The following LRRTM3 variants were observed in gnomAD, a reference collection of about 807,000 sequenced individuals.
LRRTM3 encodes leucine-rich repeat transmembrane neuronal protein 3.
Under a neutral mutation model 44.7 loss-of-function variants are expected in LRRTM3, and 24 were observed. The ratio of observed to expected loss-of-function variants is 0.54; its 90% CI spans 0.39 to 0.76. The LOEUF (loss-of-function observed/expected upper bound fraction) is 0.76, where lower values mean the gene tolerates loss of function less well. Ranked by LOEUF, LRRTM3 falls within the 30% of genes least tolerant of loss-of-function variation. LRRTM3 has a pLI of 0.00. For synonymous variants in LRRTM3, 277 were observed against 278.7 expected, an observed-to-expected ratio of 0.99 and a Z score of 0.06; for missense variants, 587 against 702.2, an observed-to-expected ratio of 0.84 and a Z score of 1.85.
intron 2 of LRRTM3, among the ~76,000 whole-genome samples, chr10:66,945,252 T>C (rs1435707374): frequency 6.6e-6 from 1 of 152,230 alleles, no homozygotes; most frequent in Non-Finnish European, 1.5e-5. Flanking sequence ...TCAATTATCT[T>C]AGCTAGATCT....
chr10:67,038,315 C>T (rs1168447677), intron 2 of LRRTM3, among the ~76,000 whole-genome samples: 3 of 152,032 alleles, frequency 2.0e-5, no homozygotes, highest in South Asian at 4.1e-4. Flanking sequence ...AATGTAGTCA[C>T]TTCAATGTGC....
chr10:67,025,640 A>T (rs188121770), intron 2 of LRRTM3, among the ~76,000 whole-genome samples: 105 of 152,282 alleles, frequency 6.9e-4, no homozygotes, highest in African/African-American at 2.5e-3. Context: ...TCTATATAGC[A>T]AGTTGAAATC....
intron 2 of LRRTM3, among the ~76,000 whole-genome samples, chr10:67,018,126 C>T (rs569794213): frequency 6.6e-6 from 1 of 152,234 alleles, no homozygotes; most frequent in East Asian, 1.9e-4. Context: ...TGTTAATTCA[C>T]TTTTCAAGTG....
In LRRTM3 at chr10:67,057,181, T is replaced by C. The variant is rs540625810; in HGVS notation, c.1537-40406T>C. ...ATTGACAAATAGAAAGAGTTTATATTCAAGGCATACAATGTGATGTTTTGA... is the reference window on the plus strand; with the variant it reads ...ATTGACAAATAGAAAGAGTTTATATCCAAGGCATACAATGTGATGTTTTGA... On this transcript the variant is annotated intron_variant, in intron 2 of 2. Coordinates refer to ENST00000361320, the MANE Select transcript of LRRTM3 (RefSeq NM_178011.5). 3.3e-5 allele frequency among the ~76,000 whole-genome samples: 5 copies of C among 152,286 alleles called. No homozygotes were observed. In the South Asian group the frequency reaches 6.2e-4, roughly 19 times the overall value.
At chr10:67,025,529 G>A (rs1853316885) in intron 2 of LRRTM3, among the ~76,000 whole-genome samples, 1 of 152,080 alleles carries the variant, frequency 6.6e-6, no homozygotes, top group Non-Finnish European at 1.5e-5. Context: ...TTTATTAAAA[G>A]GGTGAAAATG....
At chr10:67,079,244 T>C (rs1312620223) in intron 2 of LRRTM3, among the ~76,000 whole-genome samples, 5 of 152,204 alleles carry the variant, frequency 3.3e-5, no homozygotes, top group Admixed American at 6.5e-5. Context: ...CTCTGTGTTA[T>C]AGAACAAGGG....
intron 2 of LRRTM3, among the ~76,000 whole-genome samples, chr10:67,036,142 ATTTAT>A (rs992284000): frequency 2.6e-5 from 4 of 151,866 alleles, no homozygotes; most frequent in Non-Finnish European, 4.4e-5. Flanking sequence ...TAATTTGGGG[ATTTAT>A]TTTATTTTAT....
intron 2 of LRRTM3, among the ~76,000 whole-genome samples, chr10:67,049,922 T>A (rs1295646881): frequency 6.6e-6 from 1 of 152,216 alleles, no homozygotes; most frequent in South Asian, 2.1e-4. Context: ...GTGTTTCACA[T>A]TTAGAAATCC....
intron 2 of LRRTM3, among the ~76,000 whole-genome samples, chr10:67,083,182 C>A (rs1379250352): frequency 2.0e-5 from 3 of 151,934 alleles, no homozygotes; most frequent in Non-Finnish European, 4.4e-5. Context: ...AAAAAAAAAA[C>A]TTCCTTTATT....
At chr10:66,974,485 G>A (rs189932389) in intron 2 of LRRTM3, among the ~76,000 whole-genome samples, 11 of 152,144 alleles carry the variant, frequency 7.2e-5, no homozygotes, top group East Asian at 5.8e-4. Context: ...CAAGTCATTC[G>A]CCAGCATATG....
Position 66,986,410 on chromosome 10 carries a change from T to C in LRRTM3, c.1536+57958T>C, listed in dbSNP as rs55837756. Among the ~76,000 whole-genome samples the C allele has an allele frequency of 6.3e-3, 955 of 152,176 alleles. 8 individuals carry two copies. Among genetic ancestry groups the C allele is most frequent in the African/African-American group, 0.022 (912 of 41,532 alleles). ...TACTCTGGAGGCTGAGACAGGAGAA[T>C]CGCTTGAACCCAGTAGGCAGAGGTT... On this transcript the variant is annotated intron_variant, in intron 2 of 2. Coordinates refer to ENST00000361320, the MANE Select transcript of LRRTM3 (RefSeq NM_178011.5).
At chr10:67,083,915 A>G (rs1265764495) in intron 2 of LRRTM3, among the ~76,000 whole-genome samples, 2 of 152,164 alleles carry the variant, frequency 1.3e-5, no homozygotes, top group African/African-American at 2.4e-5. Flanking sequence ...AAAAATAAAG[A>G]TAAGAAAAAT....
chr10:67,087,698 A>G lies in LRRTM3; in HGVS notation c.1537-9889A>G, dbSNP rs964317440. On this transcript the variant is annotated intron_variant, in intron 2 of 2. Coordinates refer to ENST00000361320, the MANE Select transcript of LRRTM3 (RefSeq NM_178011.5). ...ATTTTAGCCCTCTACCTCTAAGCTA[A>G]TGTCATAATGGCCTGGATCCTTACA... 4.6e-5 allele frequency among the ~76,000 whole-genome samples: 7 copies of G among 151,996 alleles called. No homozygotes were observed. The East Asian group carries it at 1.4e-3, about 29-fold the overall frequency.
intron 2 of LRRTM3, among the ~76,000 whole-genome samples, chr10:67,032,133 T>C (rs976982104): frequency 3.9e-5 from 6 of 152,172 alleles, no homozygotes; most frequent in African/African-American, 1.4e-4. Flanking sequence ...TTCCACTTTA[T>C]ATGTGAGAAC....
intron 2 of LRRTM3, among the ~76,000 whole-genome samples, chr10:67,026,561 A>G (rs1242011854): frequency 1.3e-5 from 2 of 152,194 alleles, no homozygotes; most frequent in African/African-American, 4.8e-5. Flanking sequence ...ACATGCCTTC[A>G]AATAGCTCCT....
At chr10:67,049,028 TG>T (rs1443158846) in intron 2 of LRRTM3, among the ~76,000 whole-genome samples, 1 of 15,582 alleles carries the variant, frequency 6.4e-5, no homozygotes, top group Non-Finnish European at 1.1e-4. Flanking sequence ...TGATGATAAC[TG>T]GTTTTTTTTT....
At chr10:66,984,172 T>C (rs775097263) in intron 2 of LRRTM3, among the ~76,000 whole-genome samples, 2 of 152,084 alleles carry the variant, frequency 1.3e-5, no homozygotes, top group African/African-American at 2.4e-5. Context: ...ACTTTTTAAG[T>C]CAAGACAATG....
At chr10:66,947,892 G>A (rs866426090) in intron 2 of LRRTM3, among the ~76,000 whole-genome samples, 6 of 152,196 alleles carry the variant, frequency 3.9e-5, no homozygotes, top group Middle Eastern at 3.4e-3. Context: ...GTCATTGTGC[G>A]AACATCACAG....
rs192444692 is a variant in LRRTM3, at chr10:67,096,407, T to C, written c.1537-1180T>C. Among the ~76,000 whole-genome samples, 8 of 151,966 alleles carry C rather than the reference T, an allele frequency of 5.3e-5. 1 individual carries two copies. The highest frequency in any genetic ancestry group is 1.7e-4 in the African/African-American group (7 of 41,526). On this transcript the variant is annotated intron_variant, in intron 2 of 2. Coordinates refer to ENST00000361320, the MANE Select transcript of LRRTM3 (RefSeq NM_178011.5). ...TAATACCTAGGCCTTCTATTTTTCTTAGCTTTGGACTCTAATCTCAGCTAA... is the reference window on the plus strand; with the variant it reads ...TAATACCTAGGCCTTCTATTTTTCTCAGCTTTGGACTCTAATCTCAGCTAA...
Sources: gnomAD v4.1 joint callset for allele counts (sites outside exome capture counted in the v4.1 genomes callset) on GRCh38, gnomAD v4.1.1 for gene constraint, MANE v1.5 for transcripts, NCBI Gene and HGNC (gene_info 2026-07-23, HGNC 2026-07-21) for gene names.